PNPLA7: variants seen among roughly 807,000 people sequenced by gnomAD.
The protein encoded by PNPLA7 is patatin-like phospholipase domain-containing protein 7.
In PNPLA7, 153 loss-of-function variants were observed where a neutral mutation model predicts 161.7. The observed-to-expected ratio is 0.95, with a 90% CI of 0.83 to 1.08. PNPLA7 has a LOEUF of 1.08. Ranked by LOEUF, PNPLA7 falls within the 50% of genes least tolerant of loss-of-function variation. PNPLA7 has a pLI of 0.00. For missense variants in PNPLA7, 1,739 were observed against 1,856.6 expected (o/e 0.94, Z 1.16); for synonymous variants, 809 against 782.1 (o/e 1.03, Z -0.57).
chr9:137,481,144 A>G (rs1832200711), intron 21 of PNPLA7, 121 bp from the exon 22 acceptor site: 1 of 981,776 alleles, frequency 1.0e-6, no homozygotes, highest in Non-Finnish European at 1.6e-6. Context: ...GCCAGGCACC[A>G]AGGAGGAGGA....
At chr9:137,494,954 G>C in intron 19 of PNPLA7, 79 bp downstream of exon 19, 1 of 1,322,170 alleles carries the variant, frequency 7.6e-7, no homozygotes, top group Non-Finnish European at 1.1e-6. Context: ...GCCCTCACCC[G>C]CTCCGCCCTC....
chr9:137,521,821 A>G, intron 9 of PNPLA7, 105 bp from the exon 10 acceptor site: 1 of 924,896 alleles, frequency 1.1e-6, no homozygotes, highest in South Asian at 1.6e-5. Context: ...AACCCTGCAG[A>G]TGCCACAGAC....
rs573628274 is a variant in PNPLA7, at chr9:137,490,799, T to G, written c.2197+2214A>C. 1.3e-3 allele frequency among the ~76,000 whole-genome samples: 201 copies of G among 152,316 alleles called. No homozygotes were observed. Among genetic ancestry groups the G allele is most frequent in the Admixed American group, 4.9e-3 (75 of 15,302 alleles). On this transcript the variant is annotated intron_variant, in intron 20 of 34. Transcript: ENST00000406427. The surrounding 1 kb of genome is among the most constrained non-coding windows in gnomAD (Gnocchi z 4.1). ...ATTCTCCTAAGTTTTAAAAATCATG[T>G]TTGATGGCTGAAAGCGAAAGTTGTA...
rs1835188491 is a variant in PNPLA7 at position 137,524,283 on chromosome 9, T to A, written c.748-1426A>T. On this transcript the variant is annotated intron_variant, in intron 8 of 34. Coordinates refer to ENST00000406427, the MANE Select transcript of PNPLA7 (RefSeq NM_001098537.3). This position sits in a 1 kb window ranked among gnomAD's most constrained non-coding sequence, Gnocchi z 4.4. Reference sequence around the variant, plus strand: ...GTCTGACAGAGGTCTCTGCCTTGACTCCCAAGTGCTGGCTGTCTCGTGGAG... The same window carrying A: ...GTCTGACAGAGGTCTCTGCCTTGACACCCAAGTGCTGGCTGTCTCGTGGAG... Among the ~76,000 whole-genome samples, 1 of 152,136 alleles carries A rather than the reference T, an allele frequency of 6.6e-6. No individual in the cohort carries two copies.
chr9:137,471,525 G>A (rs529321915), intron 25 of PNPLA7, among the ~76,000 whole-genome samples: 3 of 150,242 alleles, frequency 2.0e-5, no homozygotes, highest in South Asian at 2.1e-4. Flanking sequence ...TTGAACCCGG[G>A]AGGTGGAAAT....
At chr9:137,479,705 G>C in intron 23 of PNPLA7, 1 of 985,446 alleles carries the variant, frequency 1.0e-6, no homozygotes, top group Non-Finnish European at 1.2e-6. Context: ...CAGGAAGCTG[G>C]AGAACACGAA....
intron 12 of PNPLA7, chr9:137,509,666 G>A (rs1025574595): frequency 2.3e-6 from 1 of 439,972 alleles, no homozygotes; most frequent in Non-Finnish European, 4.6e-6. Flanking sequence ...AGTGAGTTTA[G>A]GTGTCAACAG....
Position 137,547,370 on chromosome 9 carries a change from G to T in PNPLA7, c.132C>A (p.Leu44=), listed in dbSNP as rs371486363. ...TMLTGIAVGA[L]LALALVGVLI... ...GGACACCAACCAAGGCCAGGGCCAG[G>T]AGGGCTCCAACTGCAATCCCCGTCA... is the stretch of plus-strand genomic sequence containing the variant. Residue 44 remains leucine, a synonymous_variant, in exon 3 of 35, where the codon CTC becomes CTA. Transcript: ENST00000406427. The surrounding 1 kb of genome is among the most constrained non-coding windows in gnomAD (Gnocchi z 4.6). 24 of 1,613,474 alleles carry T rather than the reference G, an allele frequency of 1.5e-5. No individual in the cohort carries two copies. Among genetic ancestry groups the T allele is most frequent in the Non-Finnish European group, 2.0e-5 (24 of 1,180,020 alleles).
chr9:137,471,514 C>G (rs1831704319), intron 25 of PNPLA7, among the ~76,000 whole-genome samples: 1 of 149,918 alleles, frequency 6.7e-6, no homozygotes, highest in South Asian at 2.1e-4. Context: ...CAGAGAATTG[C>G]TTGAACCCGG....
intron 20 of PNPLA7, chr9:137,491,349 G>C: frequency 1.9e-6 from 1 of 518,838 alleles, no homozygotes; most frequent in Non-Finnish European, 2.5e-6. Flanking sequence ...AATGGAAGAC[G>C]TAACAGAATA....
At chr9:137,546,961 T>C in intron 3 of PNPLA7, 52 bp from the exon 4 acceptor site, 1 of 1,545,796 alleles carries the variant, frequency 6.5e-7, no homozygotes, top group Non-Finnish European at 8.9e-7. Flanking sequence ...ACAGGCCTGG[T>C]CCTGGACATG....
At position 137,462,039 on chromosome 9, in the gene PNPLA7, T is replaced by C; in HGVS notation, c.3648A>G (p.Glu1216=). ...LDFGKFNEIC[E]VGYQHGRTVF... is the part of the protein sequence containing the mutation. Reference sequence around the variant, plus strand: ...CCGTGCGCCCGTGCTGGTAGCCCACTTCCTGTGCACACCCCCAGGGCCCCG... The same window carrying C: ...CCGTGCGCCCGTGCTGGTAGCCCACCTCCTGTGCACACCCCCAGGGCCCCG... The change falls in exon 32 of 35, where the codon GAA becomes GAG. Residue 1216 remains glutamate, a splice_region_variant and synonymous_variant. Coordinates refer to ENST00000406427, the MANE Select transcript of PNPLA7 (RefSeq NM_001098537.3). 6.3e-7 allele frequency: 1 copy of C among 1,591,820 alleles called. No individual in the cohort carries two copies. The highest frequency in any genetic ancestry group is 8.5e-7 in the Non-Finnish European group (1 of 1,170,074).
rs937467987 is a variant in PNPLA7, at chr9:137,524,024, G to A, written c.748-1167C>T. Among the ~76,000 whole-genome samples, 1 of 152,088 alleles carries A rather than the reference G, an allele frequency of 6.6e-6. No homozygotes were observed. Among genetic ancestry groups the A allele is most frequent in the African/African-American group, 2.4e-5 (1 of 41,398 alleles). On this transcript the variant is annotated intron_variant, in intron 8 of 34. Transcript: ENST00000406427. This position sits in a 1 kb window ranked among gnomAD's most constrained non-coding sequence, Gnocchi z 4.4. ...TGCAGAGGCAGATTCACCCTTTTTG[G>A]TGCACACCTCTAGCATTTTCACCCC...
chr9:137,484,532 C>T, intron 21 of PNPLA7, 55 bp downstream of exon 21: 1 of 1,507,748 alleles, frequency 6.6e-7, no homozygotes, highest in Non-Finnish European at 8.9e-7. Context: ...CGGCAGGCGC[C>T]CTCCACCAGG....
Position 137,550,209 on chromosome 9 carries a change from G to A in PNPLA7, c.-12C>T. On this transcript the variant is annotated 5_prime_UTR_variant, in exon 1 of 35. Transcript: ENST00000406427. The stretch of plus-strand genomic sequence containing the variant: ...TTCTCTTCCTCCATGGCCAGAAACA[G>A]AAAAAACAGTCAGGGGCGAAAAGCA... 1 of 1,613,052 alleles carries A rather than the reference G, an allele frequency of 6.2e-7. No homozygotes were observed. Among genetic ancestry groups the A allele is most frequent in the East Asian group, 2.2e-5 (1 of 44,880 alleles).
intron 21 of PNPLA7, 119 bp from the exon 22 acceptor site, chr9:137,481,142 C>T (rs1832200591): frequency 9.4e-7 from 1 of 1,059,054 alleles, no homozygotes; most frequent in Admixed American, 2.0e-5. Flanking sequence ...CAGCCAGGCA[C>T]CAAGGAGGAG....
chr9:137,522,783 C>T lies in PNPLA7; in HGVS notation c.822G>A (p.Ala274=), dbSNP rs200223305. 73 of 1,613,726 alleles carry T rather than the reference C, an allele frequency of 4.5e-5. No homozygotes were observed. Among genetic ancestry groups the T allele is most frequent in the Middle Eastern group, 1.6e-4 (1 of 6,084 alleles). The change falls in exon 9 of 35, where the codon GCG becomes GCA. Residue 274 remains alanine, a synonymous_variant. Coordinates refer to ENST00000406427, the MANE Select transcript of PNPLA7 (RefSeq NM_001098537.3). Reference sequence around the variant, plus strand: ...ATTTCTCAAAAACTCCATGAAAAGCCGCAGCTGGAAGCCGGAGGATGGTGG... The same window carrying T: ...ATTTCTCAAAAACTCCATGAAAAGCTGCAGCTGGAAGCCGGAGGATGGTGG... The part of the protein sequence containing the change: ...IPSTILRLPA[A]AFHGVFEKYP...
chr9:137,487,392 G>A (rs1019224421), intron 20 of PNPLA7, among the ~76,000 whole-genome samples: 8 of 152,212 alleles, frequency 5.3e-5, no homozygotes, highest in Non-Finnish European at 1.0e-4. Flanking sequence ...GCCAAGTGTC[G>A]CCGTGGGGCT....
rs1266732985 is a variant in PNPLA7 at position 137,524,553 on chromosome 9, A to G, written c.748-1696T>C. Among the ~76,000 whole-genome samples the G allele has an allele frequency of 6.6e-6, 1 of 152,278 alleles. No individual in the cohort carries two copies. The highest frequency in any genetic ancestry group is 1.5e-5 in the Non-Finnish European group (1 of 68,048). On this transcript the variant is annotated intron_variant, in intron 8 of 34. Transcript: ENST00000406427. This position sits in a 1 kb window ranked among gnomAD's most constrained non-coding sequence, Gnocchi z 4.4. ...CATCTCCCAGTGTTTGCGTGGACACAGTTCTCATCCCTCTTGCTAAATACC... is the reference window on the plus strand; with the variant it reads ...CATCTCCCAGTGTTTGCGTGGACACGGTTCTCATCCCTCTTGCTAAATACC...
Sources: allele counts gnomAD v4.1 joint callset (sites outside exome capture counted in the v4.1 genomes callset), GRCh38; gene constraint gnomAD v4.1.1; non-coding constraint Gnocchi (gnomAD v3.1); transcripts MANE v1.5; gene names NCBI Gene and HGNC (gene_info 2026-07-23, HGNC 2026-07-21).